The following GCN1 variants were observed in gnomAD, a reference collection of about 807,000 sequenced individuals.
GCN1 encodes the protein stalled ribosome sensor GCN1.
A neutral mutation model predicts 288.4 loss-of-function variants in GCN1; 90 were observed. The observed-to-expected ratio is 0.31, with a 90% CI of 0.26 to 0.37. The LOEUF (loss-of-function observed/expected upper bound fraction) is 0.37. GCN1 is among the 10% of genes least tolerant of loss of function. The pLI, the probability that GCN1 is intolerant of heterozygous loss-of-function variation, is 1.00. For synonymous variants in GCN1, 1,386 were observed against 1,420.2 expected, an observed-to-expected ratio of 0.98 and a Z score of 0.54; for missense variants, 2,586 against 3,419.9, an observed-to-expected ratio of 0.76 and a Z score of 6.08.
chr12:120,162,789 C>A (rs1877971115), intron 20 of GCN1, 58 bp downstream of exon 20: 1 of 1,576,182 alleles, frequency 6.3e-7, no homozygotes, highest in Non-Finnish European at 8.7e-7. Flanking sequence ...TTCCTGTACA[C>A]TGTGATGAGA....
At chr12:120,150,150 A>G (rs1468432907) in intron 34 of GCN1, 107 bp from the exon 35 acceptor site, 3 of 1,054,122 alleles carry the variant, frequency 2.8e-6, no homozygotes, top group Non-Finnish European at 4.1e-6. Context: ...CCCTCTGGAA[A>G]CACTCAGAAA....
At chr12:120,177,845 A>G (rs1044058610) in intron 7 of GCN1, 93 bp from the exon 8 acceptor site, 2 of 882,918 alleles carry the variant, frequency 2.3e-6, no homozygotes, top group African/African-American at 1.6e-5. Flanking sequence ...CCTCCAAAAA[A>G]TACAAATCAA....
At chr12:120,161,435 G>C (rs1877922073) in intron 22 of GCN1, 55 bp downstream of exon 22, 5 of 1,191,054 alleles carry the variant, frequency 4.2e-6, no homozygotes, top group Non-Finnish European at 5.0e-6. Context: ...AAAGCCACCA[G>C]CTTGAGGCCA....
At chr12:120,170,140 T>C (rs764634768) in intron 15 of GCN1, 29 bp downstream of exon 15, 1 of 1,605,950 alleles carries the variant, frequency 6.2e-7, no homozygotes. Flanking sequence ...CCCCTGTCTC[T>C]ACCATCCTAG....
At chr12:120,154,942 G>A in intron 31 of GCN1, 28 bp downstream of exon 31, 2 of 1,586,666 alleles carry the variant, frequency 1.3e-6, no homozygotes, top group Non-Finnish European at 1.7e-6. Flanking sequence ...AAAGCTTGGA[G>A]TAGAACGAGG....
intron 16 of GCN1, among the ~76,000 whole-genome samples, chr12:120,167,352 C>CAAAA (rs58505091): frequency 3.6e-4 from 26 of 72,966 alleles, no homozygotes; most frequent in Non-Finnish European, 5.1e-4. Flanking sequence ...AACTCCATCT[C>CAAAA]AAAAAAAAAA....
intron 21 of GCN1, 28 bp downstream of exon 21, chr12:120,161,852 G>A: frequency 1.2e-6 from 2 of 1,607,660 alleles, no homozygotes; most frequent in African/African-American, 2.7e-5. Context: ...GGGAGCAAAG[G>A]AAACTGAGCC....
rs1213963476 is a variant in GCN1 at position 120,158,401 on chromosome 12, CA to C, written c.2905+58del. ...GCCCTGGGTGACGCTGTGCCTTGAGCAGCATTCCTGGCACCAGCTCACACCG... is the reference window on the plus strand; with the variant it reads ...GCCCTGGGTGACGCTGTGCCTTGAGCGCATTCCTGGCACCAGCTCACACCG... On this transcript the variant is annotated intron_variant, in intron 25 of 57. Transcript: ENST00000300648. This position sits in a 1 kb window ranked among gnomAD's most constrained non-coding sequence, Gnocchi z 4.3. 2 of 1,415,728 alleles carry C rather than the reference CA, an allele frequency of 1.4e-6. No homozygotes were observed. Among genetic ancestry groups the C allele is most frequent in the Admixed American group, 4.5e-5 (2 of 44,184 alleles). The allele number at this position is 1,415,728 out of a possible 1,614,324, so 87.7% of individuals were successfully genotyped here.
At chr12:120,148,114 G>C in intron 37 of GCN1, 53 bp downstream of exon 37, 1 of 1,363,690 alleles carries the variant, frequency 7.3e-7, no homozygotes, top group East Asian at 2.3e-5. Context: ...AGTGTCCAAA[G>C]GCTGCGGCGT....
At chr12:120,168,699 TC>T (rs1239998657) in intron 15 of GCN1, among the ~76,000 whole-genome samples, 1 of 152,172 alleles carries the variant, frequency 6.6e-6, no homozygotes. Context: ...AAATGCTTCC[TC>T]CATGAAGCCC....
In GCN1 at chr12:120,144,985, G is replaced by C. The variant is rs749928955; in HGVS notation, c.5093C>G (p.Pro1698Arg). 6.2e-7 allele frequency: 1 copy of C among 1,613,932 alleles called. No individual in the cohort carries two copies. Among genetic ancestry groups the C allele is most frequent in the East Asian group, 2.2e-5 (1 of 44,896 alleles). Residue 1698 changes from proline to arginine, a missense_variant, in exon 40 of 58, where the codon CCG becomes CGG. Physicochemically the swap from Pro to Arg is moderately radical, Grantham distance 103 (BLOSUM62 -2). Coordinates refer to ENST00000300648, the MANE Select transcript of GCN1 (RefSeq NM_006836.2). This position sits in a 1 kb window ranked among gnomAD's most constrained non-coding sequence, Gnocchi z 4.7. ...MGESCFEDLL[P>R]WLMETLTYEQ... ...ATAGGTCAGTGTCTCCATCAGCCAC[G>C]GCAGCAAGTCCTCAAAGCACGACTC...
At chr12:120,177,364 A>C (rs1878514019) in intron 9 of GCN1, 83 bp downstream of exon 9, 1 of 688,408 alleles carries the variant, frequency 1.5e-6, no homozygotes, top group Non-Finnish European at 2.6e-6. Context: ...CCCCTACCAC[A>C]CACACTTCTT....
At position 120,153,494 on chromosome 12, in the gene GCN1, A is replaced by C; in HGVS notation, c.3868-87T>G. The stretch of plus-strand genomic sequence containing the variant: ...GTCCCTGCCCTGAGGACCAAGACCA[A>C]GTCTAGCTCTGGGACAGGCATCCTG... On this transcript the variant is annotated intron_variant, in intron 32 of 57. Coordinates refer to ENST00000300648, the MANE Select transcript of GCN1 (RefSeq NM_006836.2). The surrounding 1 kb of genome is among the most constrained non-coding windows in gnomAD (Gnocchi z 4.4). The C allele has an allele frequency of 5.7e-6, 7 of 1,236,908 alleles. 1 individual carries two copies. The South Asian group carries it at 8.5e-5, about 15-fold the overall frequency. The allele number at this position is 1,236,908 out of a possible 1,614,324, so 76.6% of individuals were successfully genotyped here.
chr12:120,131,915 A>C lies in GCN1; in HGVS notation c.7414+11T>G. On this transcript the variant is annotated intron_variant, in intron 54 of 57. Coordinates refer to ENST00000300648, the MANE Select transcript of GCN1 (RefSeq NM_006836.2). ...CCAGGTCCCTGAAGGGGAACTCTCC[A>C]GTGTACTTACCCAGCAAGCACTGCT... 6.4e-7 allele frequency: 1 copy of C among 1,562,058 alleles called. No individual in the cohort carries two copies. The highest frequency in any genetic ancestry group is 2.3e-5 in the East Asian group (1 of 44,230).
At chr12:120,152,147 G>A (rs902182561) in intron 33 of GCN1, among the ~76,000 whole-genome samples, 3 of 151,732 alleles carry the variant, frequency 2.0e-5, no homozygotes, top group Admixed American at 2.0e-4. Context: ...CTATTGCCTC[G>A]GTCTCCTGAG....
Position 120,127,959 on chromosome 12 carries a change from G to T in GCN1, c.7906C>A (p.Leu2636Met). The T allele has an allele frequency of 1.9e-6, 3 of 1,614,064 alleles. No homozygotes were observed. The highest frequency in any genetic ancestry group is 1.1e-5 in the South Asian group (1 of 91,080). The change falls in exon 58 of 58, where the codon CTG (leucine) becomes ATG (methionine). Residue 2636 changes from leucine to methionine, a missense_variant. By Grantham distance (15) the Leu-to-Met change is conservative. Coordinates refer to ENST00000300648, the MANE Select transcript of GCN1 (RefSeq NM_006836.2). ...AGCACCTCCAAACTGGCCACATCCA[G>T]GATCTTGGAGAGGGACTGTGGGGAA... Reference protein sequence around the residue: ...EEVFQSLSKILDVASLEVLNE... With the variant: ...EEVFQSLSKIMDVASLEVLNE...
In GCN1 at chr12:120,134,827, C is replaced by T. The variant is rs1183980819; in HGVS notation, c.7009-101G>A. On this transcript the variant is annotated intron_variant, in intron 51 of 57. Coordinates refer to ENST00000300648, the MANE Select transcript of GCN1 (RefSeq NM_006836.2). This position sits in a 1 kb window ranked among gnomAD's most constrained non-coding sequence, Gnocchi z 5.0. ...AAATGACAATCCCAAACCACCACAG[C>T]GAGTCCAGCTCTCATACAGGGCTGG... The T allele has an allele frequency of 1.0e-5, 10 of 986,686 alleles. No individual in the cohort carries two copies. Among genetic ancestry groups the T allele is most frequent in the Middle Eastern group, 3.2e-4 (1 of 3,142 alleles). The allele number at this position is 986,686 out of a possible 1,614,324, so 61.1% of individuals were successfully genotyped here.
chr12:120,164,675 G>T lies in GCN1; in HGVS notation c.1659C>A (p.His553Gln), dbSNP rs1255986210. The T allele has an allele frequency of 6.2e-7, 1 of 1,613,810 alleles. No homozygotes were observed. Among genetic ancestry groups the T allele is most frequent in the East Asian group, 2.2e-5 (1 of 44,886 alleles). Residue 553 changes from histidine (H) to glutamine (Q), a missense_variant, in exon 17 of 58, where the codon CAC becomes CAA. By Grantham distance (24) the His-to-Gln change is conservative (BLOSUM62 0). Coordinates refer to ENST00000300648, the MANE Select transcript of GCN1 (RefSeq NM_006836.2). ...CTTTGTTGCCAGTGAGTCTATGCGG[G>T]TGGTCAAGGAAAAGTCTCTCTGTCA... ...LHLTERLFLD[H>Q]PHRLTGNKVQ...
Position 120,177,430 on chromosome 12 carries a change from G to T in GCN1, c.838+17C>A. 1.5e-6 allele frequency: 2 copies of T among 1,312,338 alleles called. No individual in the cohort carries two copies. Among genetic ancestry groups the T allele is most frequent in the Non-Finnish European group, 2.2e-6 (2 of 906,140 alleles). 81.3% of individuals were successfully genotyped at this position (1,312,338 alleles called of 1,614,324 possible). ...CAACTCATCTCCCTCCCACCATCCTGGTTGACAGCAACCTACTTTCAATAA... is the reference window on the plus strand; with the variant it reads ...CAACTCATCTCCCTCCCACCATCCTTGTTGACAGCAACCTACTTTCAATAA... On this transcript the variant is annotated intron_variant, in intron 9 of 57. Transcript: ENST00000300648.
Sources: gnomAD v4.1 joint callset for allele counts (sites outside exome capture counted in the v4.1 genomes callset) on GRCh38, gnomAD v4.1.1 for gene constraint, Gnocchi (gnomAD v3.1) non-coding constraint, MANE v1.5 for transcripts, NCBI Gene and HGNC (gene_info 2026-07-23, HGNC 2026-07-21) for gene names.